RAB33A: variants seen among roughly 807,000 people sequenced by gnomAD.
The protein encoded by RAB33A is ras-related protein Rab-33A.
RAB33A carries 6 observed loss-of-function variants against 12.0 expected under a neutral mutation model. The observed-to-expected ratio is 0.50, with a 90% confidence interval of 0.27 to 0.99. RAB33A has a LOEUF of 0.99. Ranked by LOEUF, RAB33A falls within the 50% of genes least tolerant of loss-of-function variation. The probability of loss-of-function intolerance (pLI) is 0.11; values close to 1 mark genes in which losing one functional copy is unlikely to be tolerated. For missense variants in RAB33A, 109 were observed against 192.0 expected, an observed-to-expected ratio of 0.57 and a Z score of 2.55; for synonymous variants, 70 against 82.4, an observed-to-expected ratio of 0.85 and a Z score of 0.81.
chrX:130,133,222 G>A, the RAB33A span: 42 of 1,115,592 alleles, frequency 3.8e-5, no homozygotes, highest in East Asian at 1.1e-3. Flanking sequence ...AAGCTAACTG[G>A]CTCATAATAA....
At chrX:130,152,937 G>A in the RAB33A span, among the ~76,000 whole-genome samples, 3 of 111,527 alleles carry the variant, frequency 2.7e-5, no homozygotes, top group African/African-American at 9.8e-5. Flanking sequence ...CCTAGTAAGA[G>A]TAGTTTTTGA....
the RAB33A span, among the ~76,000 whole-genome samples, chrX:130,149,026 A>T: frequency 9.8e-6 from 1 of 102,255 alleles, no homozygotes; most frequent in Non-Finnish European, 2.0e-5. Context: ...AGTTCAAGAG[A>T]TTCTCATGCC....
the RAB33A span, chrX:130,138,452 G>C: frequency 6.1e-6 from 3 of 495,152 alleles, no homozygotes; most frequent in Non-Finnish European, 1.0e-5. Flanking sequence ...GTGACAGAGC[G>C]AGACTCCATC....
chrX:130,167,896 G>A (rs1451978437), upstream of RAB33A, among the ~76,000 whole-genome samples: 2 of 110,213 alleles, frequency 1.8e-5, no homozygotes, highest in South Asian at 3.9e-4. Context: ...GAAATTACAG[G>A]GCCGGGTGCA....
chrX:130,135,439 T>TTAA, the RAB33A span, among the ~76,000 whole-genome samples: 413 of 72,924 alleles, frequency 5.7e-3, 8 homozygotes, highest in East Asian at 0.051. Context: ...TTTTTTTTTT[T>TTAA]AAAAAAAAAA....
chrX:130,149,369 C>T, the RAB33A span: 4 of 669,038 alleles, frequency 6.0e-6, no homozygotes, highest in Non-Finnish European at 7.4e-6. Flanking sequence ...CTCATACCAC[C>T]ATTGCTTCTA....
chrX:130,129,894 G>T, the RAB33A span: 1 of 1,143,907 alleles, frequency 8.7e-7, no homozygotes, highest in South Asian at 1.8e-5. Context: ...TGCATCTCAG[G>T]GCACCCGATG....
the RAB33A span, among the ~76,000 whole-genome samples, chrX:130,125,180 G>A: frequency 8.9e-6 from 1 of 111,775 alleles, no homozygotes; most frequent in Non-Finnish European, 1.9e-5. Flanking sequence ...AGTCCTGGCC[G>A]ACAGTACCGG....
chrX:130,160,768 C>T, the RAB33A span, among the ~76,000 whole-genome samples: 12 of 110,219 alleles, frequency 1.1e-4, no homozygotes, highest in Non-Finnish European at 1.5e-4. Flanking sequence ...CCAGGGCAGG[C>T]GCGGTGGCTC....
chrX:130,184,748 C>T lies in RAB33A; in HGVS notation c.*8C>T, dbSNP rs201209219. The T allele has an allele frequency of 4.2e-6, 5 of 1,198,976 alleles. No individual in the cohort carries two copies. The highest frequency in any genetic ancestry group is 2.2e-5 in the Admixed American group (1 of 45,423). ...ACTTCCTGTCCTTGTTGAAACCAAA[C>T]GATATAAATACAAGATAAATTATCA... On this transcript the variant is annotated 3_prime_UTR_variant, in exon 2 of 2. Transcript: ENST00000257017.
At chrX:130,148,928 T>TTC in the RAB33A span, among the ~76,000 whole-genome samples, 1 of 101,643 alleles carries the variant, frequency 9.8e-6, no homozygotes, top group Non-Finnish European at 2.0e-5. Flanking sequence ...GAGACTTTTT[T>TTC]TTTTTTTTTT....
intron 1 of RAB33A, among the ~76,000 whole-genome samples, chrX:130,182,157 A>AAAAAAT (rs1384841230): frequency 9.0e-5 from 4 of 44,640 alleles, no homozygotes; most frequent in African/African-American, 1.9e-4. Context: ...AAAAAAAAAA[A>AAAAAAT]ATATATATAT....
At chrX:130,148,983 G>A in the RAB33A span, among the ~76,000 whole-genome samples, 13 of 93,422 alleles carry the variant, frequency 1.4e-4, no homozygotes, top group Non-Finnish European at 2.5e-4. Context: ...GTGCAGCAGC[G>A]TGATCTTGGC....
chrX:130,118,887 G>A, the RAB33A span, among the ~76,000 whole-genome samples: 1 of 111,784 alleles, frequency 8.9e-6, no homozygotes. Flanking sequence ...CCTCGTGCAT[G>A]CATGTGTGTT....
chrX:130,167,082 T>C (rs1210892311), upstream of RAB33A, among the ~76,000 whole-genome samples: 1 of 112,065 alleles, frequency 8.9e-6, no homozygotes, highest in Non-Finnish European at 1.9e-5. Context: ...GTGTAAGAAG[T>C]TATTTGAGTT....
the RAB33A span, among the ~76,000 whole-genome samples, chrX:130,138,394 A>G: frequency 1.8e-5 from 2 of 110,287 alleles, no homozygotes; most frequent in South Asian, 3.9e-4. Flanking sequence ...GAACCCGGGA[A>G]GCGGAGCTTG....
At chrX:130,174,996 CAAT>C (rs112030850) in intron 1 of RAB33A, among the ~76,000 whole-genome samples, 1 of 110,302 alleles carries the variant, frequency 9.1e-6, no homozygotes, top group African/African-American at 3.3e-5. Context: ...AATGAGTAGG[CAAT>C]AATAATAATA....
chrX:130,145,385 G>A, the RAB33A span: 1 of 682,070 alleles, frequency 1.5e-6, no homozygotes, highest in Non-Finnish European at 2.4e-6. Context: ...TACAATGGCA[G>A]GACAGACATA....
chrX:130,165,709 C>CGACG, the RAB33A span: 1 of 1,043,607 alleles, frequency 9.6e-7, no homozygotes. Context: ...CACGCACGAC[C>CGACG]GACGGGTCAA....
Sources: allele counts gnomAD v4.1 joint callset (sites outside exome capture counted in the v4.1 genomes callset), GRCh38; gene constraint gnomAD v4.1.1; transcripts MANE v1.5; gene names NCBI Gene and HGNC (gene_info 2026-07-23, HGNC 2026-07-21).